SCTR: variants seen among roughly 807,000 people sequenced by gnomAD.
The protein encoded by SCTR is secretin receptor, also known as pancreatic secretin receptor.
Under a neutral mutation model 60.8 loss-of-function variants are expected in SCTR, and 56 were observed. The ratio of observed to expected loss-of-function variants is 0.92; its 90% CI spans 0.74 to 1.15. The LOEUF (loss-of-function observed/expected upper bound fraction) is 1.15, where lower values mean the gene tolerates loss of function less well. SCTR is among the 50% of genes most tolerant of loss of function. The pLI is 0.00. For synonymous variants in SCTR, 202 were observed against 217.0 expected (o/e 0.93, Z 0.61); for missense variants, 562 against 550.4 (o/e 1.02, Z -0.21).
rs183651232 is a variant in SCTR, at chr2:119,463,228, C to A, written c.636+895G>T. Among the ~76,000 whole-genome samples the A allele has an allele frequency of 1.1e-3, 172 of 152,304 alleles. 1 individual carries two copies. Among genetic ancestry groups the A allele is most frequent in the Non-Finnish European group, 1.9e-3 (131 of 68,030 alleles). ...GTAAAAAACTCTATCACCCTGCTTC[C>A]TTTGCGATTAAGTGTGGTTACATGA... On this transcript the variant is annotated intron_variant, in intron 6 of 12. Coordinates refer to ENST00000019103, the MANE Select transcript of SCTR (RefSeq NM_002980.3).
At chr2:119,508,679 G>A (rs1451134742) in intron 1 of SCTR, among the ~76,000 whole-genome samples, 2 of 152,040 alleles carry the variant, frequency 1.3e-5, no homozygotes, top group Non-Finnish European at 2.9e-5. Context: ...GTGAGCCACT[G>A]TGCCTGGCCT....
In SCTR at chr2:119,461,912, G is replaced by A; in HGVS notation, c.725C>T (p.Thr242Ile). Residue 242 changes from threonine (T) to isoleucine (I), a missense_variant, in exon 7 of 13, where the codon ACA becomes ATA. Thr to Ile is a moderately conservative substitution (Grantham distance 89). Transcript: ENST00000019103. The part of the protein sequence containing the change: ...WLLVEGLYLH[T>I]LLAISFFSER... ...AGAGAAGAAGGAGATGGCGAGGAGT[G>A]TGTGAAGGTAGAGGCCTTCCACCAG... is the stretch of plus-strand genomic sequence containing the variant. The A allele has an allele frequency of 6.2e-7, 1 of 1,614,058 alleles. No individual in the cohort carries two copies. The highest frequency in any genetic ancestry group is 8.5e-7 in the Non-Finnish European group (1 of 1,179,978).
chr2:119,442,261 TGTG>T (rs1682683359), intron 11 of SCTR, among the ~76,000 whole-genome samples: 2 of 152,276 alleles, frequency 1.3e-5, no homozygotes, highest in Middle Eastern at 6.8e-3. Context: ...AGGATCCTGG[TGTG>T]GAGCTCTGTC....
At chr2:119,516,321 G>A (rs986514249) in intron 1 of SCTR, among the ~76,000 whole-genome samples, 5 of 152,160 alleles carry the variant, frequency 3.3e-5, no homozygotes, top group Non-Finnish European at 7.3e-5. Flanking sequence ...CAACTTACGT[G>A]TCTCTCAACA....
intron 9 of SCTR, among the ~76,000 whole-genome samples, chr2:119,451,785 G>A (rs1037911363): frequency 1.6e-4 from 25 of 152,308 alleles, no homozygotes; most frequent in African/African-American, 4.6e-4. Flanking sequence ...GAAAGAACCA[G>A]GTTCGCAGGC....
At chr2:119,476,996 G>A (rs1168457557) in intron 3 of SCTR, 1 of 152,358 alleles carries the variant, frequency 6.6e-6, no homozygotes, top group Non-Finnish European at 1.5e-5. Flanking sequence ...GGGTAGGGGA[G>A]GGAAGGTGGG....
Position 119,477,434 on chromosome 2 carries a change from G to A in SCTR, c.301+1377C>T, listed in dbSNP as rs964874780. Among the ~76,000 whole-genome samples, 5 of 145,152 alleles carry A rather than the reference G, an allele frequency of 3.4e-5. No individual in the cohort carries two copies. In the South Asian group the frequency reaches 6.8e-4, roughly 20 times the overall value. On this transcript the variant is annotated intron_variant, in intron 3 of 12. Coordinates refer to ENST00000019103, the MANE Select transcript of SCTR (RefSeq NM_002980.3). ...GGAATACCTGTTTCCTGTTCTGGACGTTTTTTGTTTGTTTGTTTGTTTGTT... is the reference window on the plus strand; with the variant it reads ...GGAATACCTGTTTCCTGTTCTGGACATTTTTTGTTTGTTTGTTTGTTTGTT...
At chr2:119,455,694 A>C (rs1683346776) in intron 7 of SCTR, among the ~76,000 whole-genome samples, 1 of 152,224 alleles carries the variant, frequency 6.6e-6, no homozygotes, top group Admixed American at 6.5e-5. Flanking sequence ...GTGGAATGAA[A>C]AGTAGGAAAA....
At chr2:119,519,815 A>C (rs1482982789) in intron 1 of SCTR, among the ~76,000 whole-genome samples, 1 of 121,284 alleles carries the variant, frequency 8.2e-6, no homozygotes, top group Non-Finnish European at 1.8e-5. Flanking sequence ...TGTCTCAAAA[A>C]AAAAAAAAAA....
At chr2:119,513,806 G>A (rs1679029747) in intron 1 of SCTR, among the ~76,000 whole-genome samples, 2 of 152,120 alleles carry the variant, frequency 1.3e-5, no homozygotes, top group African/African-American at 4.8e-5. Flanking sequence ...GTTCTTCAAG[G>A]AGCCCTTTGA....
At chr2:119,445,398 C>T (rs1420122272) in intron 11 of SCTR, among the ~76,000 whole-genome samples, 1 of 152,136 alleles carries the variant, frequency 6.6e-6, no homozygotes, top group Middle Eastern at 3.2e-3. Context: ...AGGTCTGGGG[C>T]ACTGACGGGT....
At chr2:119,477,561 G>A (rs543452392) in intron 3 of SCTR, among the ~76,000 whole-genome samples, 20 of 152,122 alleles carry the variant, frequency 1.3e-4, no homozygotes, top group African/African-American at 3.9e-4. Flanking sequence ...AGTGATTCTC[G>A]TGCCTCGGCC....
intron 1 of SCTR, among the ~76,000 whole-genome samples, chr2:119,505,199 T>C (rs1678694604): frequency 1.3e-5 from 2 of 152,046 alleles, no homozygotes; most frequent in African/African-American, 4.8e-5. Flanking sequence ...CAAATGACTA[T>C]AAATCATGCT....
At chr2:119,486,248 G>C (rs1054367158) in intron 2 of SCTR, 1 of 152,058 alleles carries the variant, frequency 6.6e-6, no homozygotes, top group Non-Finnish European at 1.5e-5. Context: ...TTAGGAGACG[G>C]AAGAGCATCA....
intron 1 of SCTR, among the ~76,000 whole-genome samples, chr2:119,512,229 G>T (rs117763469): frequency 0.022 from 3,346 of 151,914 alleles, 88 homozygotes; most frequent in East Asian, 0.07. Flanking sequence ...TATCGGACGA[G>T]GTGCACTGAT....
At chr2:119,521,619 G>A (rs1679288854) in intron 1 of SCTR, among the ~76,000 whole-genome samples, 1 of 152,144 alleles carries the variant, frequency 6.6e-6, no homozygotes, top group Non-Finnish European at 1.5e-5. Context: ...TCACTTACAA[G>A]GGTCACTTCT....
intron 1 of SCTR, among the ~76,000 whole-genome samples, chr2:119,517,967 G>C (rs556971079): frequency 6.6e-6 from 1 of 152,146 alleles, no homozygotes; most frequent in Non-Finnish European, 1.5e-5. Context: ...ATAGGGCCCT[G>C]ATCCTATAGG....
At chr2:119,447,529 G>A (rs1226905024) in intron 10 of SCTR, among the ~76,000 whole-genome samples, 1 of 152,158 alleles carries the variant, frequency 6.6e-6, no homozygotes, top group Non-Finnish European at 1.5e-5. Context: ...GAAACACCAT[G>A]GAGAAGGTCT....
At chr2:119,452,172 T>C in intron 8 of SCTR, 93 bp from the exon 9 acceptor site, 6 of 752,704 alleles carry the variant, frequency 8.0e-6, no homozygotes, top group South Asian at 1.6e-5. Flanking sequence ...GCCCTTGGTA[T>C]GAAGGACCTG....
Sources: gnomAD v4.1 joint callset for allele counts (sites outside exome capture counted in the v4.1 genomes callset) on GRCh38, gnomAD v4.1.1 for gene constraint, MANE v1.5 for transcripts, NCBI Gene and HGNC (gene_info 2026-07-23, HGNC 2026-07-21) for gene names.